CREB3L4: variants seen among roughly 807,000 people sequenced by gnomAD.
The protein encoded by CREB3L4 is cyclic AMP-responsive element-binding protein 3-like protein 4.
In CREB3L4, 28 loss-of-function variants were observed where a neutral mutation model predicts 37.0. The observed-to-expected ratio is 0.76, with a 90% CI of 0.56 to 1.04. CREB3L4 has a LOEUF of 1.04. Ranked by LOEUF, CREB3L4 falls within the 50% of genes least tolerant of loss-of-function variation. The pLI is 0.00. For missense variants in CREB3L4, 462 were observed against 486.0 expected, an observed-to-expected ratio of 0.95 and a Z score of 0.46; for synonymous variants, 175 against 192.2, an observed-to-expected ratio of 0.91 and a Z score of 0.74.
Position 153,972,982 on chromosome 1 carries a change from G to A in CREB3L4, c.647G>A (p.Arg216Lys), listed in dbSNP as rs1384774963. 3 of 1,614,012 alleles carry A rather than the reference G, an allele frequency of 1.9e-6. No individual in the cohort carries two copies. Among genetic ancestry groups the A allele is most frequent in the African/African-American group, 1.3e-5 (1 of 74,916 alleles). ...TCCTGGGCCTCCAAGGCAGAGGAGAGGGTCCTCAAGAAGGTCAGGAGGAAA... is the reference window on the plus strand; with the variant it reads ...TCCTGGGCCTCCAAGGCAGAGGAGAAGGTCCTCAAGAAGGTCAGGAGGAAA... ...SHLPLTKAEE[R>K]VLKKVRRKIR... Residue 216 changes from arginine to lysine, a missense_variant, in exon 6 of 10, where the codon AGG becomes AAG. By Grantham distance (26) the Arg-to-Lys change is conservative. Coordinates refer to ENST00000368607, the MANE Select transcript of CREB3L4 (RefSeq NM_001255978.2).
At chr1:153,973,740 A>AC (rs767499405) in intron 9 of CREB3L4, 24 bp downstream of exon 9, 2 of 1,574,858 alleles carry the variant, frequency 1.3e-6, no homozygotes, top group East Asian at 4.5e-5. Context: ...GCAGGGAGCA[A>AC]CCCCTGGCTG....
At position 153,973,937 on chromosome 1, in the gene CREB3L4, T is replaced by A; in HGVS notation, c.1060T>A (p.Ser354Thr). 1.2e-6 allele frequency: 2 copies of A among 1,613,896 alleles called. No homozygotes were observed. Among genetic ancestry groups the A allele is most frequent in the Non-Finnish European group, 1.7e-6 (2 of 1,179,970 alleles). ...TENLETQVVE[S>T]RLREPPGAKD... ...AAATCTGGAGACCCAAGTGGTAGAGTCCAGACTGAGGGAGCCACCTGGAGC... is the reference window on the plus strand; with the variant it reads ...AAATCTGGAGACCCAAGTGGTAGAGACCAGACTGAGGGAGCCACCTGGAGC... Residue 354 changes from serine (S) to threonine (T), a missense_variant, in exon 10 of 10, where the codon TCC (serine) becomes ACC (threonine). Transcript: ENST00000368607.
At chr1:153,970,853 T>G (rs1648296932) in intron 4 of CREB3L4, among the ~76,000 whole-genome samples, 1 of 148,146 alleles carries the variant, frequency 6.8e-6, no homozygotes, top group African/African-American at 2.5e-5. Flanking sequence ...CAAGCGATTC[T>G]CCTTCCTCAG....
At position 153,974,324 on chromosome 1, in the gene CREB3L4, T is replaced by C. The variant is rs1305892735; in HGVS notation, c.*259T>C. 2.2e-6 allele frequency: 1 copy of C among 452,264 alleles called. No homozygotes were observed. Among genetic ancestry groups the C allele is most frequent in the East Asian group, 3.2e-5 (1 of 30,786 alleles). 28.0% of individuals were successfully genotyped at this position (452,264 alleles called of 1,614,324 possible). On this transcript the variant is annotated 3_prime_UTR_variant, in exon 10 of 10. Transcript: ENST00000368607. ...CTTTGGGTATAGGGTTGAGGGGAAA[T>C]AAGTTTTGAGTGAGAAATAAACGTT... is the stretch of plus-strand genomic sequence containing the variant.
chr1:153,968,576 G>A lies in CREB3L4; in HGVS notation c.51G>A (p.Glu17=), dbSNP rs1442898303. 1.2e-6 allele frequency: 2 copies of A among 1,614,038 alleles called. No individual in the cohort carries two copies. Among genetic ancestry groups the A allele is most frequent in the Non-Finnish European group, 1.7e-6 (2 of 1,180,020 alleles). ...DLLDAWLEPP[E]DIFSTGSVLE... ...TGGACGCGTGGCTGGAGCCCCCAGA[G>A]GATATCTTCTCGACAGGATCCGTCC... Residue 17 remains glutamate, a synonymous_variant, in exon 2 of 10, where the codon GAG becomes GAA. Transcript: ENST00000368607.
chr1:153,971,581 C>CTTTTTTTTTTTTTT (rs1322149098), intron 4 of CREB3L4, among the ~76,000 whole-genome samples: 44 of 113,632 alleles, frequency 3.9e-4, no homozygotes, highest in Non-Finnish European at 6.2e-4. Context: ...TTTTCTTTTT[C>CTTTTTTTTTTTTTT]TTTTTCTTTT....
At chr1:153,972,518 A>G (rs2102173439) in intron 4 of CREB3L4, among the ~76,000 whole-genome samples, 1 of 152,254 alleles carries the variant, frequency 6.6e-6, no homozygotes, top group Non-Finnish European at 1.5e-5. Flanking sequence ...GGTGAAGGAT[A>G]TGACAATACC....
chr1:153,970,529 A>G (rs966745434), intron 4 of CREB3L4, among the ~76,000 whole-genome samples: 33 of 152,316 alleles, frequency 2.2e-4, no homozygotes, highest in African/African-American at 7.2e-4. Flanking sequence ...CTAGTGCTAC[A>G]GTGTAGCAGA....
intron 4 of CREB3L4, among the ~76,000 whole-genome samples, chr1:153,971,590 T>C (rs1200415018): frequency 2.0e-5 from 3 of 147,388 alleles, no homozygotes; most frequent in African/African-American, 5.0e-5. Context: ...TCTTTTTCTT[T>C]TTTTTTTTTT....
At position 153,969,348 on chromosome 1, in the gene CREB3L4, G is replaced by A. The variant is rs2102160269; in HGVS notation, c.436G>A (p.Ala146Thr). ...TTCTACTCCAGATCAGTGGAGCCCA[G>A]CATTTATGGTGCCTGATTCCTGCAT... ...ISIQLDQWSP[A>T]FMVPDSCMVS... Residue 146 changes from alanine to threonine, a missense_variant, in exon 4 of 10, where the codon GCA becomes ACA. Transcript: ENST00000368607. 6.2e-7 allele frequency: 1 copy of A among 1,614,200 alleles called. No individual in the cohort carries two copies. The highest frequency in any genetic ancestry group is 1.7e-4 in the Middle Eastern group (1 of 6,060).
intron 4 of CREB3L4, among the ~76,000 whole-genome samples, chr1:153,972,289 G>A (rs1343442525): frequency 3.3e-5 from 5 of 152,160 alleles, no homozygotes; most frequent in African/African-American, 1.2e-4. Flanking sequence ...AGGGAGAATG[G>A]GCCACTGCCC....
intron 4 of CREB3L4, 73 bp from the exon 5 acceptor site, chr1:153,972,671 A>G (rs1648489723): frequency 4.2e-6 from 5 of 1,186,726 alleles, no homozygotes; most frequent in African/African-American, 1.5e-5. Context: ...ATGTGGGGGG[A>G]GTAGCCTGGG....
chr1:153,970,007 C>G (rs920941750), intron 4 of CREB3L4, among the ~76,000 whole-genome samples: 1 of 150,030 alleles, frequency 6.7e-6, no homozygotes, highest in Non-Finnish European at 1.5e-5. Context: ...CAGCTCACTG[C>G]AACCTCTGCC....
intron 4 of CREB3L4, among the ~76,000 whole-genome samples, chr1:153,971,589 T>C (rs77468902): frequency 2.1e-5 from 3 of 141,156 alleles, no homozygotes; most frequent in Non-Finnish European, 3.1e-5. Flanking sequence ...TTCTTTTTCT[T>C]TTTTTTTTTT....
At chr1:153,972,705 C>T (rs1168081666) in intron 4 of CREB3L4, 39 bp from the exon 5 acceptor site, 2 of 1,550,452 alleles carry the variant, frequency 1.3e-6, no homozygotes, top group East Asian at 2.3e-5. Flanking sequence ...ATGACCCCCT[C>T]CTCACTCCTA....
chr1:153,969,296 A>G (rs774673906), intron 3 of CREB3L4, 38 bp from the exon 4 acceptor site: 11 of 1,614,164 alleles, frequency 6.8e-6, no homozygotes, highest in Non-Finnish European at 8.5e-6. Flanking sequence ...GGGTGTTCCT[A>G]AGTCTCCTTT....
Position 153,972,726 on chromosome 1 carries a change from T to A in CREB3L4, c.544-18T>A. Reference sequence around the variant, plus strand: ...CCCTCCTCACTCCTATTGCATCTTCTCCTGCCCCTACCCCCAGCTGCCCTG... The same window carrying A: ...CCCTCCTCACTCCTATTGCATCTTCACCTGCCCCTACCCCCAGCTGCCCTG... On this transcript the variant is annotated intron_variant, in intron 4 of 9. Transcript: ENST00000368607. The A allele has an allele frequency of 6.2e-7, 1 of 1,608,318 alleles. No homozygotes were observed. Among genetic ancestry groups the A allele is most frequent in the Non-Finnish European group, 8.5e-7 (1 of 1,176,204 alleles).
At position 153,974,259 on chromosome 1, in the gene CREB3L4, C is replaced by T; in HGVS notation, c.*194C>T. ...ATTTGTTTGCATATATGAGAGGGTACCTCAAATACTTCTGTTATGTATCTG... is the reference window on the plus strand; with the variant it reads ...ATTTGTTTGCATATATGAGAGGGTATCTCAAATACTTCTGTTATGTATCTG... On this transcript the variant is annotated 3_prime_UTR_variant, in exon 10 of 10. Coordinates refer to ENST00000368607, the MANE Select transcript of CREB3L4 (RefSeq NM_001255978.2). 2 of 540,680 alleles carry T rather than the reference C, an allele frequency of 3.7e-6. No homozygotes were observed. Among genetic ancestry groups the T allele is most frequent in the South Asian group, 2.9e-5 (1 of 34,040 alleles). The allele number at this position is 540,680 out of a possible 1,614,324, so 33.5% of individuals were successfully genotyped here.
At chr1:153,972,930 G>A (rs749474025) in intron 5 of CREB3L4, 42 bp from the exon 6 acceptor site, 1 of 1,603,270 alleles carries the variant, frequency 6.2e-7, no homozygotes, top group Non-Finnish European at 8.5e-7. Flanking sequence ...GGAGTTGGGG[G>A]CAGGTGAAGG....
Sources: allele counts gnomAD v4.1 joint callset (sites outside exome capture counted in the v4.1 genomes callset), GRCh38; gene constraint gnomAD v4.1.1; transcripts MANE v1.5; gene names NCBI Gene and HGNC (gene_info 2026-07-23, HGNC 2026-07-21).